Variants in HERC2 observed in about 807,000 individuals in gnomAD.
HERC2 encodes E3 ubiquitin-protein ligase HERC2.
In HERC2, 102 loss-of-function variants were observed where a neutral mutation model predicts 537.7. The observed-to-expected ratio is 0.19, with a 90% CI of 0.16 to 0.22. HERC2 has a LOEUF of 0.22. Ranked by LOEUF, HERC2 falls within the 10% of genes least tolerant of loss-of-function variation. The pLI, the probability that HERC2 is intolerant of heterozygous loss-of-function variation, is 1.00. For synonymous variants in HERC2, 2,224 were observed against 2,466.2 expected (o/e 0.90, Z 2.91); for missense variants, 4,236 against 6,198.2 (o/e 0.68, Z 10.63).
chr15:28,209,184 G>A (rs1218355108), intron 44 of HERC2, among the ~76,000 whole-genome samples: 1 of 151,846 alleles, frequency 6.6e-6, no homozygotes, highest in Admixed American at 6.6e-5. Context: ...ATATTTCCAC[G>A]GCAATAAACA....
intron 55 of HERC2, among the ~76,000 whole-genome samples, chr15:28,188,406 T>G (rs925183034): frequency 2.0e-5 from 3 of 151,940 alleles, no homozygotes; most frequent in Admixed American, 1.3e-4. Context: ...TAGCCAGGCA[T>G]GGTGGCAGGC....
In HERC2 at chr15:28,265,274, CTTAGCAGGAA is replaced by C. The variant is rs934337388; in HGVS notation, c.1870+334_1870+343del. Among the ~76,000 whole-genome samples, 10 of 152,278 alleles carry C rather than the reference CTTAGCAGGAA, an allele frequency of 6.6e-5. No homozygotes were observed. The highest frequency in any genetic ancestry group is 2.4e-4 in the African/African-American group (10 of 41,548). On this transcript the variant is annotated intron_variant, in intron 14 of 92. Transcript: ENST00000261609. This position sits in a 1 kb window ranked among gnomAD's most constrained non-coding sequence, Gnocchi z 4.0. The stretch of plus-strand genomic sequence containing the variant: ...CATCAGACTACAGAACACAGAAAGA[CTTAGCAGGAA>C]TTACCACAGGGAATCAAGAGTGGCC...
At position 28,215,965 on chromosome 15, in the gene HERC2, G is replaced by A. The variant is rs149233552; in HGVS notation, c.6029-163C>T. On this transcript the variant is annotated intron_variant, in intron 38 of 92. Coordinates refer to ENST00000261609, the MANE Select transcript of HERC2 (RefSeq NM_004667.6). Reference sequence around the variant, plus strand: ...AATTCAAACTAATTCAAAGTGAGAAGTGGAAGGCAGCTTTTAAGTTAGTTC... The same window carrying A: ...AATTCAAACTAATTCAAAGTGAGAAATGGAAGGCAGCTTTTAAGTTAGTTC... Among the ~76,000 whole-genome samples the A allele has an allele frequency of 6.4e-3, 970 of 152,172 alleles. 9 individuals are homozygous for A. The highest frequency in any genetic ancestry group is 0.022 in the African/African-American group (914 of 41,538).
At chr15:28,308,281 G>GTTT (rs2076847458) in intron 2 of HERC2, among the ~76,000 whole-genome samples, 1 of 152,010 alleles carries the variant, frequency 6.6e-6, no homozygotes, top group Non-Finnish European at 1.5e-5. Context: ...ATCTTCTTTG[G>GTTT]TTACTTCCCA....
chr15:28,121,579 G>A (rs1328629508), intron 85 of HERC2, 150 bp from the exon 86 acceptor site: 15 of 697,318 alleles, frequency 2.2e-5, no homozygotes, highest in African/African-American at 8.8e-5. Flanking sequence ...TTGTGAGGGT[G>A]CAGGGGAACA....
Position 28,220,462 on chromosome 15 carries a change from C to A in HERC2, c.5835G>T (p.Glu1945Asp). Reference sequence around the variant, plus strand: ...TCCTGAGTCACCCACCAGAGTCATCCTCTGTGTCCGAATCCTCTGCTGAGG... The same window carrying A: ...TCCTGAGTCACCCACCAGAGTCATCATCTGTGTCCGAATCCTCTGCTGAGG... Reference protein sequence around the residue: ...AQPSAEDSDTEDDSEAEQTER... With the variant: ...AQPSAEDSDTDDDSEAEQTER... The change falls in exon 37 of 93, where the codon GAG (glutamate) becomes GAT (aspartate). Residue 1945 changes from glutamate to aspartate, a missense_variant. By Grantham distance (45) the Glu-to-Asp change is conservative. This residue lies in a region of HERC2 where 365 missense variants were observed against 468.8 expected (regional missense o/e 0.78). Transcript: ENST00000261609. 6.2e-7 allele frequency: 1 copy of A among 1,606,766 alleles called. No homozygotes were observed. Among genetic ancestry groups the A allele is most frequent in the Non-Finnish European group, 8.5e-7 (1 of 1,179,788 alleles).
intron 20 of HERC2, among the ~76,000 whole-genome samples, chr15:28,253,186 G>A (rs534198865): frequency 3.2e-4 from 49 of 152,302 alleles, no homozygotes; most frequent in African/African-American, 1.1e-3. Flanking sequence ...AACACTGACC[G>A]TTTTGGCTTC....
rs552182743 is a variant in HERC2, at chr15:28,162,872, C to T, written c.10746+222G>A. ...CGCCACTGCACTCTAGCCTGGGCGA[C>T]AGAGCGAGACTCCGTCTCAAAAAAA... On this transcript the variant is annotated intron_variant, in intron 69 of 92. Transcript: ENST00000261609. 3.2e-4 allele frequency among the ~76,000 whole-genome samples: 49 copies of T among 152,326 alleles called. 1 individual carries two copies. The South Asian group carries it at 9.9e-3, about 31-fold the overall frequency.
chr15:28,128,963 A>T (rs1277734498), intron 83 of HERC2, among the ~76,000 whole-genome samples: 2 of 152,262 alleles, frequency 1.3e-5, no homozygotes, highest in Admixed American at 1.3e-4. Context: ...AAATCTTTCT[A>T]CTACCTCTTC....
intron 26 of HERC2, among the ~76,000 whole-genome samples, chr15:28,235,621 C>G (rs958622452): frequency 1.3e-5 from 2 of 152,320 alleles, no homozygotes; most frequent in East Asian, 3.9e-4. Flanking sequence ...GTGTTTTCTG[C>G]CCCGAATGCT....
intron 2 of HERC2, chr15:28,315,762 T>A: frequency 7.0e-7 from 1 of 1,425,862 alleles, no homozygotes; most frequent in South Asian, 1.2e-5. Flanking sequence ...GAGGCAGAGG[T>A]CCAAGTAAAC....
chr15:28,141,049 C>T (rs1891172357), intron 78 of HERC2, among the ~76,000 whole-genome samples: 1 of 151,526 alleles, frequency 6.6e-6, no homozygotes, highest in Non-Finnish European at 1.5e-5. Flanking sequence ...ACCAGCCTGG[C>T]CGACATGGTG....
rs781579496 is a variant in HERC2, at chr15:28,202,454, G to A, written c.7373C>T (p.Ala2458Val). The change falls in exon 46 of 93, where the codon GCT (alanine) becomes GTT (valine). Residue 2458 changes from alanine to valine, a missense_variant. Around this residue, in one of 27 missense-constraint regions of HERC2, gnomAD observed 35 missense variants for 68.7 expected, o/e 0.51. Coordinates refer to ENST00000261609, the MANE Select transcript of HERC2 (RefSeq NM_004667.6). ...CATGAGCTGCACCACGATCGGCAGA[G>A]CGGGAACGGGCGACTGCTTGCGCCT... is the stretch of plus-strand genomic sequence containing the variant. ...VKRRKQSPVP[A>V]LPIVVQLMEM... is the part of the protein sequence containing the mutation. 7 of 1,525,870 alleles carry A rather than the reference G, an allele frequency of 4.6e-6. No individual in the cohort carries two copies. In the East Asian group the frequency reaches 1.1e-4, roughly 25 times the overall value. The allele number at this position is 1,525,870 out of a possible 1,614,324, so 94.5% of individuals were successfully genotyped here.
Position 28,222,302 on chromosome 15 carries a change from G to C in HERC2, c.5465-87C>G. On this transcript the variant is annotated intron_variant, in intron 35 of 92. Coordinates refer to ENST00000261609, the MANE Select transcript of HERC2 (RefSeq NM_004667.6). ...CACAAAACATTCACAAAGTACTAAT[G>C]AAGATCGTAATTTTGAACAATCCAT... 5 of 636,074 alleles carry C rather than the reference G, an allele frequency of 7.9e-6. No individual in the cohort carries two copies. The South Asian group carries it at 8.7e-5, about 11-fold the overall frequency. 39.4% of individuals were successfully genotyped at this position (636,074 alleles called of 1,614,324 possible).
intron 3 of HERC2, among the ~76,000 whole-genome samples, chr15:28,298,005 T>TTGTGTGTGTG (rs373425948): frequency 7.7e-5 from 10 of 130,614 alleles, no homozygotes; most frequent in East Asian, 5.2e-4. Flanking sequence ...CTGTCAGTTA[T>TTGTGTGTGTG]TGTGTGTGTG....
At chr15:28,116,590 A>C (rs1888279019) in intron 88 of HERC2, 75 bp downstream of exon 88, 12 of 1,356,184 alleles carry the variant, frequency 8.8e-6, no homozygotes, top group Non-Finnish European at 1.2e-5. Flanking sequence ...GTCACTCCTC[A>C]AACAGATAGT....
chr15:28,115,943 C>A lies in HERC2; in HGVS notation c.13610-402G>T, dbSNP rs1335204643. On this transcript the variant is annotated intron_variant, in intron 88 of 92. Coordinates refer to ENST00000261609, the MANE Select transcript of HERC2 (RefSeq NM_004667.6). ...CCCTCAGTGGGACAGGAAGGAGGGA[C>A]TGGCCAATGGCGAAGACCTCACCCC... 2.0e-5 allele frequency among the ~76,000 whole-genome samples: 3 copies of A among 152,174 alleles called. 1 individual carries two copies. Among genetic ancestry groups the A allele is most frequent in the Admixed American group, 1.3e-4 (2 of 15,280 alleles).
chr15:28,136,256 A>G (rs1244374626), intron 78 of HERC2, among the ~76,000 whole-genome samples: 2 of 152,212 alleles, frequency 1.3e-5, no homozygotes, highest in Non-Finnish European at 2.9e-5. Flanking sequence ...GAAGGCAAAC[A>G]TCCCTCCTGA....
At chr15:28,189,636 C>A (rs557215723) in intron 55 of HERC2, among the ~76,000 whole-genome samples, 2 of 152,046 alleles carry the variant, frequency 1.3e-5, no homozygotes, top group Admixed American at 6.5e-5. Flanking sequence ...GAATGTACTA[C>A]GTATTTCAAA....
Sources: gnomAD v4.1 joint callset for allele counts (sites outside exome capture counted in the v4.1 genomes callset) on GRCh38, gnomAD v4.1.1 for gene constraint, gnomAD v4.1.1 regional missense constraint, Gnocchi (gnomAD v3.1) non-coding constraint, MANE v1.5 for transcripts, NCBI Gene and HGNC (gene_info 2026-07-23, HGNC 2026-07-21) for gene names.